Variants in CR1 observed in about 807,000 individuals in gnomAD.
The protein encoded by CR1 is complement C3b/C4b receptor 1 (Knops blood group).
Under a neutral mutation model 187.3 loss-of-function variants are expected in CR1, and 116 were observed. The observed-to-expected ratio is 0.62, with a 90% CI of 0.53 to 0.72. The LOEUF (loss-of-function observed/expected upper bound fraction) is 0.72. Among genes scored for constraint, CR1 ranks in the 30% least tolerant of loss-of-function variants. CR1 has a pLI of 0.00. For missense variants in CR1, 1,731 were observed against 2,110.7 expected, an observed-to-expected ratio of 0.82 and a Z score of 3.52; for synonymous variants, 576 against 747.1, an observed-to-expected ratio of 0.77 and a Z score of 3.73.
At chr1:207,597,045 TAAAA>T (rs1206300280) in intron 35 of CR1, among the ~76,000 whole-genome samples, 21 of 148,682 alleles carry the variant, frequency 1.4e-4, no homozygotes, top group South Asian at 2.1e-4. Context: ...TTTATATCAA[TAAAA>T]ATATTGATAT....
chr1:207,589,803 A>G (rs1271342387), intron 35 of CR1, among the ~76,000 whole-genome samples: 2 of 152,234 alleles, frequency 1.3e-5, no homozygotes, highest in Non-Finnish European at 2.9e-5. Flanking sequence ...AACACAGCAC[A>G]AGAACTTCAT....
intron 35 of CR1, among the ~76,000 whole-genome samples, chr1:207,590,190 A>T (rs138368440): frequency 0.019 from 2,859 of 152,288 alleles, 100 homozygotes; most frequent in African/African-American, 0.066. Context: ...AAGGAAAAAA[A>T]TGTTAAGGGC....
chr1:207,525,780 C>T (rs1241878687), intron 5 of CR1, among the ~76,000 whole-genome samples: 2 of 151,932 alleles, frequency 1.3e-5, no homozygotes, highest in Non-Finnish European at 2.9e-5. Flanking sequence ...TATTACATCA[C>T]CAGGCATTGA....
chr1:207,636,855 A>G (rs1662830115), intron 46 of CR1, among the ~76,000 whole-genome samples: 1 of 152,228 alleles, frequency 6.6e-6, no homozygotes, highest in African/African-American at 2.4e-5. Flanking sequence ...CCAGCAGAAT[A>G]CACTGTTGCC....
chr1:207,582,843 G>A (rs527730241), intron 32 of CR1, among the ~76,000 whole-genome samples: 14 of 152,336 alleles, frequency 9.2e-5, no homozygotes, highest in African/African-American at 2.4e-4. Flanking sequence ...CAGAGCAACC[G>A]CCAGGGTAGA....
chr1:207,499,482 A>C (rs1308227156), intron 1 of CR1, among the ~76,000 whole-genome samples: 2 of 152,244 alleles, frequency 1.3e-5, no homozygotes, highest in Admixed American at 1.3e-4. Context: ...CAGATTCAGC[A>C]GGCAGAAAAT....
At chr1:207,564,332 A>T (rs951147250) in intron 23 of CR1, 98 bp downstream of exon 23, 27 of 1,589,580 alleles carry the variant, frequency 1.7e-5, no homozygotes, top group Non-Finnish European at 2.3e-5. Context: ...AAAGACACAC[A>T]CACACACACA....
intron 42 of CR1, among the ~76,000 whole-genome samples, chr1:207,619,206 A>G (rs1484277218): frequency 1.3e-5 from 2 of 151,488 alleles, no homozygotes; most frequent in African/African-American, 4.8e-5. Flanking sequence ...AACATGGTGA[A>G]ACCCCGTCTC....
intron 4 of CR1, among the ~76,000 whole-genome samples, chr1:207,513,847 A>G (rs963222405): frequency 1.3e-5 from 2 of 148,598 alleles, no homozygotes; most frequent in Admixed American, 6.9e-5. Flanking sequence ...CACGCTGGCT[A>G]GGACCACCAG....
chr1:207,630,425 C>A, intron 45 of CR1, 92 bp from the exon 46 acceptor site: 1 of 772,448 alleles, frequency 1.3e-6, no homozygotes, highest in Non-Finnish European at 2.0e-6. Context: ...GCAAATAATA[C>A]CTTAAATTTC....
intron 24 of CR1, among the ~76,000 whole-genome samples, chr1:207,567,561 A>G (rs1400177524): frequency 6.7e-6 from 1 of 150,296 alleles, no homozygotes; most frequent in Non-Finnish European, 1.5e-5. Flanking sequence ...TCTTCTTCAA[A>G]TGTTTTGCTA....
chr1:207,600,646 T>C (rs677066), intron 35 of CR1: 60,664 of 152,060 alleles, frequency 0.4, 16,556 homozygotes, highest in African/African-American at 0.77. Context: ...CAATCGCTAA[T>C]GATCCTCAAG....
intron 46 of CR1, among the ~76,000 whole-genome samples, chr1:207,634,583 G>A (rs4844384): frequency 0.56 from 85,272 of 151,422 alleles, 25,707 homozygotes; most frequent in East Asian, 0.89. Context: ...GAAGGAGAAC[G>A]AAGATGAGGA....
chr1:207,615,172 C>T (rs1662056583), intron 40 of CR1, among the ~76,000 whole-genome samples: 1 of 152,090 alleles, frequency 6.6e-6, no homozygotes. Flanking sequence ...GTTTTTTAGC[C>T]TGCAGTATTT....
intron 27 of CR1, among the ~76,000 whole-genome samples, chr1:207,575,341 G>T (rs540087699): frequency 1.3e-5 from 2 of 152,066 alleles, no homozygotes; most frequent in African/African-American, 4.8e-5. Flanking sequence ...TTTTATTTTC[G>T]TGCCAGTTGC....
intron 3 of CR1, among the ~76,000 whole-genome samples, chr1:207,507,867 A>G (rs1381473804): frequency 1.3e-5 from 2 of 152,350 alleles, no homozygotes; most frequent in East Asian, 3.9e-4. Context: ...TAATTGCCAA[A>G]ACTTGGAAGC....
chr1:207,579,581 T>A (rs951011792), intron 29 of CR1, among the ~76,000 whole-genome samples: 1 of 152,180 alleles, frequency 6.6e-6, no homozygotes, highest in African/African-American at 2.4e-5. Flanking sequence ...GGCAACGACC[T>A]AGAAGTTACC....
At chr1:207,621,866 G>T (rs1404755711) in intron 43 of CR1, 107 bp from the exon 44 acceptor site, 5 of 815,822 alleles carry the variant, frequency 6.1e-6, no homozygotes, top group African/African-American at 3.5e-5. Flanking sequence ...AAAAATATTA[G>T]ACTGAGTCCT....
Position 207,523,805 on chromosome 1 carries a change from C to A in CR1, c.682C>A (p.Pro228Thr). 6.2e-7 allele frequency: 1 copy of A among 1,611,846 alleles called. No individual in the cohort carries two copies. The highest frequency in any genetic ancestry group is 1.7e-5 in the Admixed American group (1 of 60,020). Reference protein sequence around the residue: ...NDDQVGIWSGPAPQCIIPNKC... With the variant: ...NDDQVGIWSGTAPQCIIPNKC... Reference sequence around the variant, plus strand: ...CGATCAAGTGGGCATCTGGAGCGGCCCCGCCCCTCAGTGCATTATACCTAA... The same window carrying A: ...CGATCAAGTGGGCATCTGGAGCGGCACCGCCCCTCAGTGCATTATACCTAA... The change falls in exon 5 of 47, where the codon CCC becomes ACC. Residue 228 changes from proline to threonine, a missense_variant. This residue lies in a region of CR1 where 131 missense variants were observed against 196.8 expected (regional missense o/e 0.67). Transcript: ENST00000367049.
Sources: gnomAD v4.1 joint callset for allele counts (sites outside exome capture counted in the v4.1 genomes callset) on GRCh38, gnomAD v4.1.1 for gene constraint, gnomAD v4.1.1 regional missense constraint, MANE v1.5 for transcripts, NCBI Gene and HGNC (gene_info 2026-07-23, HGNC 2026-07-21) for gene names.